Variants in CUX1 observed in about 807,000 individuals in gnomAD.
The protein encoded by CUX1 is protein CASP.
CUX1 carries 31 observed loss-of-function variants against 158.8 expected under a neutral mutation model. The observed-to-expected ratio is 0.20, with a 90% CI of 0.15 to 0.26. The LOEUF (loss-of-function observed/expected upper bound fraction) is 0.26, where lower values mean the gene tolerates loss of function less well. Among genes scored for constraint, CUX1 ranks in the 10% least tolerant of loss-of-function variants. The probability of loss-of-function intolerance (pLI) is 1.00; values close to 1 mark genes in which losing one functional copy is unlikely to be tolerated. For synonymous variants in CUX1, 879 were observed against 862.1 expected (o/e 1.02, Z -0.34); for missense variants, 1,589 against 2,014.6 (o/e 0.79, Z 4.04).
chr7:102,138,027 AG>A (rs1381938611), intron 8 of CUX1, among the ~76,000 whole-genome samples: 5 of 152,316 alleles, frequency 3.3e-5, no homozygotes, highest in African/African-American at 1.2e-4. Flanking sequence ...CACTAAAAAA[AG>A]TTAAAAATTA....
At chr7:102,141,262 C>G (rs1388830316) in intron 8 of CUX1, among the ~76,000 whole-genome samples, 1 of 152,156 alleles carries the variant, frequency 6.6e-6, no homozygotes, top group Non-Finnish European at 1.5e-5. Flanking sequence ...TGAACGTTCT[C>G]GTGCCTCCAC....
At chr7:101,915,878 G>C (rs1804130942) in intron 1 of CUX1, among the ~76,000 whole-genome samples, 1 of 152,206 alleles carries the variant, frequency 6.6e-6, no homozygotes, top group Non-Finnish European at 1.5e-5. Flanking sequence ...CACGACCCAT[G>C]ATGTTGAACG....
chr7:102,150,577 G>C (rs2131495810), intron 8 of CUX1, among the ~76,000 whole-genome samples: 1 of 152,338 alleles, frequency 6.6e-6, no homozygotes, highest in Admixed American at 6.5e-5. Context: ...AACAGCTCCT[G>C]ATGCCAGCGT....
intron 10 of CUX1, among the ~76,000 whole-genome samples, chr7:102,172,991 G>A (rs1291054136): frequency 4.6e-5 from 7 of 151,636 alleles, no homozygotes; most frequent in African/African-American, 1.7e-4. Context: ...AACCCAAGAG[G>A]CAGAGGCTGC....
intron 2 of CUX1, among the ~76,000 whole-genome samples, chr7:101,977,623 A>G (rs1341277018): frequency 6.6e-6 from 1 of 152,094 alleles, no homozygotes; most frequent in Non-Finnish European, 1.5e-5. Context: ...AGCCTGGGCA[A>G]CAGAGTGAAA....
chr7:102,081,727 G>A lies in CUX1; in HGVS notation c.268+11310G>A, dbSNP rs1439309603. 1.4e-5 allele frequency among the ~76,000 whole-genome samples: 2 copies of A among 146,370 alleles called. 1 individual carries two copies. Among genetic ancestry groups the A allele is most frequent in the Non-Finnish European group, 3.1e-5 (2 of 64,800 alleles). On this transcript the variant is annotated intron_variant, in intron 4 of 23. Transcript: ENST00000292535. ...GGCTCGCTGCAACCTCCTCCTCCTG[G>A]GTTCAAGCGATTCTCCTCCCTCAGC...
At chr7:102,016,997 G>T (rs1440174436) in intron 2 of CUX1, among the ~76,000 whole-genome samples, 2 of 152,142 alleles carry the variant, frequency 1.3e-5, no homozygotes, top group African/African-American at 2.4e-5. Flanking sequence ...CCCCTTTGCA[G>T]CAGTGTCCAT....
intron 8 of CUX1, among the ~76,000 whole-genome samples, chr7:102,132,471 C>T (rs1163443575): frequency 6.6e-6 from 1 of 151,780 alleles, no homozygotes; most frequent in East Asian, 1.9e-4. Flanking sequence ...CGTAACTTCC[C>T]CCTTCCCTAT....
chr7:102,119,515 G>A (rs1462956562), intron 8 of CUX1, among the ~76,000 whole-genome samples: 7 of 152,234 alleles, frequency 4.6e-5, no homozygotes, highest in African/African-American at 1.7e-4. Context: ...GTTTTGTCCT[G>A]TCGTTGAGAG....
Position 102,250,062 on chromosome 7 carries a change from GAAAAAA to G in CUX1, c.*1027_*1032del, listed in dbSNP as rs556237321. 9 of 802,454 alleles carry G rather than the reference GAAAAAA, an allele frequency of 1.1e-5. No homozygotes were observed. Among genetic ancestry groups the G allele is most frequent in the Non-Finnish European group, 1.0e-5 (7 of 674,642 alleles). 49.7% of individuals were successfully genotyped at this position (802,454 alleles called of 1,614,324 possible). A position where few individuals can be genotyped will look rare whatever the true frequency, so the allele number is the denominator to read the frequency against. ...TCAGGACAAAAAAAAGAAAAAAAAA[GAAAAAA>G]AAAAAAGAAAAGATCCGAATCTAGG... On this transcript the variant is annotated 3_prime_UTR_variant, in exon 24 of 24. Transcript: ENST00000292535.
At chr7:101,941,936 C>T (rs1807766040) in intron 2 of CUX1, among the ~76,000 whole-genome samples, 1 of 152,170 alleles carries the variant, frequency 6.6e-6, no homozygotes, top group Non-Finnish European at 1.5e-5. Flanking sequence ...CTCTCTCCCT[C>T]CCCCTCTCTC....
intron 10 of CUX1, among the ~76,000 whole-genome samples, chr7:102,174,772 T>C (rs113482619): frequency 0.065 from 9,899 of 152,150 alleles, 440 homozygotes; most frequent in African/African-American, 0.12. Flanking sequence ...GGCAAAATCC[T>C]ATCTCTACTA....
intron 2 of CUX1, among the ~76,000 whole-genome samples, chr7:101,922,835 G>A (rs1442750459): frequency 6.6e-6 from 1 of 152,218 alleles, no homozygotes; most frequent in East Asian, 1.9e-4. Flanking sequence ...TGGCAGCAGG[G>A]GCAGCACCTC....
intron 5 of CUX1, 105 bp downstream of exon 5, chr7:102,097,606 T>C: frequency 8.4e-7 from 1 of 1,190,210 alleles, no homozygotes; most frequent in Non-Finnish European, 1.2e-6. Context: ...CTCCTTGTAA[T>C]ATACACGTCA....
intron 3 of CUX1, among the ~76,000 whole-genome samples, chr7:102,051,119 C>T (rs184001619): frequency 1.3e-5 from 2 of 152,138 alleles, no homozygotes; most frequent in Admixed American, 6.6e-5. Context: ...CCTCACCTCA[C>T]GTATCCCCAG....
chr7:102,027,250 G>A (rs553682455), intron 2 of CUX1, among the ~76,000 whole-genome samples: 1 of 152,200 alleles, frequency 6.6e-6, no homozygotes, highest in East Asian at 1.9e-4. Context: ...CCGGGCGCCT[G>A]TAGTCCCACT....
chr7:102,075,427 G>A (rs1043888463), intron 4 of CUX1, among the ~76,000 whole-genome samples: 25 of 152,312 alleles, frequency 1.6e-4, no homozygotes, highest in Admixed American at 1.4e-3. Flanking sequence ...ACACACCCTG[G>A]CCGGGGACCC....
intron 8 of CUX1, among the ~76,000 whole-genome samples, chr7:102,149,568 G>C (rs1554503020): frequency 6.6e-6 from 1 of 152,178 alleles, no homozygotes; most frequent in African/African-American, 2.4e-5. Flanking sequence ...TGCCCCATGG[G>C]CGTTATTGGT....
chr7:102,127,405 G>A (rs986046398), intron 8 of CUX1, among the ~76,000 whole-genome samples: 6 of 151,906 alleles, frequency 3.9e-5, no homozygotes, highest in Admixed American at 6.6e-5. Context: ...GGGTCTTGCC[G>A]TGTTGCCCAG....
Sources: allele counts gnomAD v4.1 joint callset (sites outside exome capture counted in the v4.1 genomes callset), GRCh38; gene constraint gnomAD v4.1.1; transcripts MANE v1.5; gene names NCBI Gene and HGNC (gene_info 2026-07-23, HGNC 2026-07-21).